The following MAP4K5 variants were observed in gnomAD, a reference collection of about 807,000 sequenced individuals.
The protein encoded by MAP4K5 is MAPK/ERK kinase kinase kinase 5.
MAP4K5 carries 82 observed loss-of-function variants against 135.6 expected under a neutral mutation model. The observed-to-expected ratio is 0.60, with a 90% CI of 0.51 to 0.73. MAP4K5 has a LOEUF of 0.73. MAP4K5 is among the 30% of genes least tolerant of loss of function. The probability of loss-of-function intolerance (pLI) is 0.00; values close to 1 mark genes in which losing one functional copy is unlikely to be tolerated. For missense variants in MAP4K5, 907 were observed against 1,010.9 expected (o/e 0.90, Z 1.39); for synonymous variants, 347 against 335.0 (o/e 1.04, Z -0.39).
At chr14:50,480,604 A>C (rs2037217086) in intron 6 of MAP4K5, among the ~76,000 whole-genome samples, 1 of 152,098 alleles carries the variant, frequency 6.6e-6, no homozygotes. Flanking sequence ...AAGGATCTCC[A>C]GCTCCATCCT....
At chr14:50,423,293 C>T (rs1444143878) in intron 31 of MAP4K5, 117 bp from the exon 32 acceptor site, 3 of 506,198 alleles carry the variant, frequency 5.9e-6, no homozygotes, top group Non-Finnish European at 7.2e-6. Context: ...AGACTTAATT[C>T]CTCAAATAAA....
rs1374628416 is a variant in MAP4K5 at position 50,436,295 on chromosome 14, T to C, written c.1882+1181A>G. On this transcript the variant is annotated intron_variant, in intron 26 of 32. Transcript: ENST00000682126. ...AAAGAGGTCTGGTCTCTGTCCTGCT[T>C]CTGGGAGGTAATTGCTAAGCCTTTG... Among the ~76,000 whole-genome samples the C allele has an allele frequency of 2.6e-5, 4 of 152,254 alleles. No homozygotes were observed. In the South Asian group the frequency reaches 8.3e-4, roughly 32 times the overall value.
chr14:50,447,774 C>G (rs749214161), intron 15 of MAP4K5, among the ~76,000 whole-genome samples: 4 of 152,130 alleles, frequency 2.6e-5, no homozygotes, highest in Non-Finnish European at 5.9e-5. Flanking sequence ...AAGAAAACAA[C>G]TGAATTATCT....
intron 26 of MAP4K5, 119 bp from the exon 27 acceptor site, chr14:50,435,184 C>T: frequency 2.0e-6 from 1 of 501,746 alleles, no homozygotes; most frequent in Non-Finnish European, 3.5e-6. Flanking sequence ...TGTGTCTTTT[C>T]TTTTGGCTTC....
chr14:50,490,784 T>G (rs2037467317), intron 3 of MAP4K5, among the ~76,000 whole-genome samples: 1 of 152,210 alleles, frequency 6.6e-6, no homozygotes, highest in African/African-American at 2.4e-5. Context: ...CCAATGCCAG[T>G]GTTAGCTACC....
In MAP4K5 at chr14:50,445,157, T is replaced by A; in HGVS notation, c.1223A>T (p.Asp408Val). Reference protein sequence around the residue: ...ISSYPEDNFPDEEKASTIKHC... With the variant: ...ISSYPEDNFPVEEKASTIKHC... ...TTTTATGGTTGATGCTTTTTCTTCATCCGGAAAGTTGTCTTCAGGGTAACT... is the reference window on the plus strand; with the variant it reads ...TTTTATGGTTGATGCTTTTTCTTCAACCGGAAAGTTGTCTTCAGGGTAACT... Residue 408 changes from aspartate (D) to valine (V), a missense_variant, in exon 18 of 33, where the codon GAT becomes GTT. This residue lies in a region of MAP4K5 where 690 missense variants were observed against 777.4 expected (regional missense o/e 0.89). Transcript: ENST00000682126. 6.2e-7 allele frequency: 1 copy of A among 1,613,526 alleles called. No homozygotes were observed. Among genetic ancestry groups the A allele is most frequent in the Non-Finnish European group, 8.5e-7 (1 of 1,179,644 alleles).
chr14:50,499,095 A>G (rs2139995330), intron 3 of MAP4K5, among the ~76,000 whole-genome samples: 1 of 152,290 alleles, frequency 6.6e-6, no homozygotes, highest in East Asian at 1.9e-4. Context: ...GACAATGCTA[A>G]AAGTCCACTG....
At chr14:50,511,260 T>C (rs1012749833) in intron 2 of MAP4K5, among the ~76,000 whole-genome samples, 26 of 152,142 alleles carry the variant, frequency 1.7e-4, no homozygotes, top group African/African-American at 5.3e-4. Flanking sequence ...TTGAGGAAAC[T>C]TGGATGGAAT....
intron 28 of MAP4K5, among the ~76,000 whole-genome samples, chr14:50,431,468 G>C (rs562498366): frequency 6.6e-6 from 1 of 151,906 alleles, no homozygotes; most frequent in African/African-American, 2.4e-5. Context: ...TGTTCTCATT[G>C]TTCAATTCCC....
At chr14:50,506,015 G>A (rs1036828640) in intron 2 of MAP4K5, among the ~76,000 whole-genome samples, 12 of 152,002 alleles carry the variant, frequency 7.9e-5, no homozygotes, top group African/African-American at 2.9e-4. Flanking sequence ...ATCGTACCCC[G>A]TGGTACATCA....
upstream of MAP4K5, chr14:50,533,479 T>C (rs1309643667): frequency 6.6e-6 from 1 of 152,174 alleles, no homozygotes; most frequent in Non-Finnish European, 1.5e-5. Context: ...GCACAGCATA[T>C]ATGGAACAGG....
At chr14:50,491,196 A>C (rs1267060884) in intron 3 of MAP4K5, among the ~76,000 whole-genome samples, 1 of 152,146 alleles carries the variant, frequency 6.6e-6, no homozygotes, top group Non-Finnish European at 1.5e-5. Context: ...AGGCAGTAAG[A>C]TTCATCACAC....
chr14:50,467,458 AATTAC>A (rs1190480635), intron 10 of MAP4K5, among the ~76,000 whole-genome samples: 4 of 152,074 alleles, frequency 2.6e-5, no homozygotes, highest in Non-Finnish European at 5.9e-5. Context: ...AATGCTTACC[AATTAC>A]ATTATATTCA....
At chr14:50,496,686 T>A (rs2037601336) in intron 3 of MAP4K5, among the ~76,000 whole-genome samples, 1 of 151,802 alleles carries the variant, frequency 6.6e-6, no homozygotes. Flanking sequence ...TTTTTAAAAA[T>A]TTTTGTAAAG....
Position 50,437,955 on chromosome 14 carries a change from T to C in MAP4K5, c.1762A>G (p.Lys588Glu). ...ATATGGGCAGCTAATCCTGGTTTTT[T>C]GGCATGTTCAAACAAAGCTATAAGA... ...HNLIALFEHAKKPGLAAHIQT... is the reference protein window; with the variant it reads ...HNLIALFEHAEKPGLAAHIQT... The change falls in exon 25 of 33, where the codon AAA (lysine) becomes GAA (glutamate). Residue 588 changes from lysine (K) to glutamate (E), a missense_variant. Transcript: ENST00000682126. The C allele has an allele frequency of 6.2e-7, 1 of 1,612,794 alleles. No individual in the cohort carries two copies. Among genetic ancestry groups the C allele is most frequent in the Non-Finnish European group, 8.5e-7 (1 of 1,179,072 alleles).
rs1286269840 is a variant in MAP4K5, at chr14:50,480,928, C to A, written c.378+1433G>T. On this transcript the variant is annotated intron_variant, in intron 6 of 32. Transcript: ENST00000682126. ...GTACAGTAAAAATATAGTATTATAA[C>A]CTTATGGGACCACTGTTGTATATGT... is the stretch of plus-strand genomic sequence containing the variant. 2.6e-5 allele frequency among the ~76,000 whole-genome samples: 4 copies of A among 152,220 alleles called. No homozygotes were observed. In the East Asian group the frequency reaches 5.8e-4, roughly 22 times the overall value.
intron 13 of MAP4K5, among the ~76,000 whole-genome samples, chr14:50,462,123 G>A (rs1237879236): frequency 2.0e-5 from 3 of 152,036 alleles, no homozygotes; most frequent in Non-Finnish European, 4.4e-5. Flanking sequence ...ACAAAAATGC[G>A]CAGCTGGATT....
intron 30 of MAP4K5, among the ~76,000 whole-genome samples, chr14:50,426,884 A>G (rs1315321608): frequency 6.6e-6 from 1 of 152,250 alleles, no homozygotes; most frequent in Non-Finnish European, 1.5e-5. Context: ...AGCATAATTA[A>G]AAGTGATGGA....
At chr14:50,467,265 T>A (rs958869291) in intron 10 of MAP4K5, among the ~76,000 whole-genome samples, 8 of 152,106 alleles carry the variant, frequency 5.3e-5, no homozygotes. Flanking sequence ...CAGCATTTCC[T>A]ACAAAAATCC....
Sources: gnomAD v4.1 joint callset for allele counts (sites outside exome capture counted in the v4.1 genomes callset) on GRCh38, gnomAD v4.1.1 for gene constraint, gnomAD v4.1.1 regional missense constraint, MANE v1.5 for transcripts, NCBI Gene and HGNC (gene_info 2026-07-23, HGNC 2026-07-21) for gene names.